NSL1: variants seen among roughly 807,000 people sequenced by gnomAD.
The protein encoded by NSL1 is NSL1 component of MIS12 kinetochore complex, also known as kinetochore-associated protein NSL1 homolog.
A neutral mutation model predicts 25.4 loss-of-function variants in NSL1; 11 were observed. The observed-to-expected ratio is 0.43, with a 90% CI of 0.27 to 0.72. The LOEUF (loss-of-function observed/expected upper bound fraction) is 0.72, where lower values mean the gene tolerates loss of function less well. NSL1 is among the 30% of genes least tolerant of loss of function. The pLI is 0.19. For synonymous variants in NSL1, 118 were observed against 120.6 expected (o/e 0.98, Z 0.14); for missense variants, 330 against 342.7 (o/e 0.96, Z 0.29).
chr1:212,737,724 T>C lies in NSL1; in HGVS notation c.*684A>G. ...GTTCCAAGTCAAATTATGTTAATGG[T>C]CTATAGAAAAAAGTGAGTGTGGGCA... On this transcript the variant is annotated 3_prime_UTR_variant, in exon 6 of 6. Coordinates refer to ENST00000366977, the MANE Select transcript of NSL1 (RefSeq NM_015471.4). The C allele has an allele frequency of 5.1e-6, 5 of 980,238 alleles. No individual in the cohort carries two copies. Among genetic ancestry groups the C allele is most frequent in the Non-Finnish European group, 6.1e-6 (5 of 825,232 alleles). The allele number at this position is 980,238 out of a possible 1,614,324, so 60.7% of individuals were successfully genotyped here.
In NSL1 at chr1:212,736,754, T is replaced by G; in HGVS notation, c.*1654A>C. On this transcript the variant is annotated 3_prime_UTR_variant, in exon 6 of 6. Coordinates refer to ENST00000366977, the MANE Select transcript of NSL1 (RefSeq NM_015471.4). ...AGTAGAATATAGTCATTACACAGAT[T>G]CAACATTAACAGGATTTTTGTCACA... 3 of 984,662 alleles carry G rather than the reference T, an allele frequency of 3.0e-6. No homozygotes were observed. The highest frequency in any genetic ancestry group is 3.6e-6 in the Non-Finnish European group (3 of 829,218). The allele number at this position is 984,662 out of a possible 1,614,324, so 61.0% of individuals were successfully genotyped here.
chr1:212,755,249 G>A (rs1371178216), intron 4 of NSL1, among the ~76,000 whole-genome samples: 1 of 151,812 alleles, frequency 6.6e-6, no homozygotes, highest in Non-Finnish European at 1.5e-5. Flanking sequence ...AAGAAAAATA[G>A]GTTATAAAAT....
Position 212,727,822 on chromosome 1 carries a change from A to C in NSL1, c.*10586T>G. 1.0e-6 allele frequency: 1 copy of C among 978,164 alleles called. No homozygotes were observed. The highest frequency in any genetic ancestry group is 1.1e-4 in the East Asian group (1 of 8,784). 60.6% of individuals were successfully genotyped at this position (978,164 alleles called of 1,614,324 possible). On this transcript the variant is annotated 3_prime_UTR_variant, in exon 6 of 6. Transcript: ENST00000366977. ...ACTTTCTTAGACACTAGTATTACATAGTAATATTCACTATTCGTTAACTGC... is the reference window on the plus strand; with the variant it reads ...ACTTTCTTAGACACTAGTATTACATCGTAATATTCACTATTCGTTAACTGC...
chr1:212,743,674 C>G (rs1457401318), intron 4 of NSL1, among the ~76,000 whole-genome samples: 1 of 152,044 alleles, frequency 6.6e-6, no homozygotes, highest in Admixed American at 6.6e-5. Context: ...AGGCCCATCC[C>G]TCCACAGAAA....
chr1:212,735,115 T>C lies in NSL1; in HGVS notation c.*3293A>G, dbSNP rs997864673. On this transcript the variant is annotated 3_prime_UTR_variant, in exon 6 of 6. Coordinates refer to ENST00000366977, the MANE Select transcript of NSL1 (RefSeq NM_015471.4). ...TGTAACTTGCCCAATGTCACTGAAC[T>C]AATAATGGTAGAACTGCAATCTGAA... Among the ~76,000 whole-genome samples the C allele has an allele frequency of 6.6e-6, 1 of 152,198 alleles. No individual in the cohort carries two copies. Among genetic ancestry groups the C allele is most frequent in the Admixed American group, 6.5e-5 (1 of 15,282 alleles).
rs1309961793 is a variant in NSL1 at position 212,730,830 on chromosome 1, C to T, written c.*7578G>A. The T allele has an allele frequency of 8.1e-6, 8 of 985,382 alleles. No individual in the cohort carries two copies. The highest frequency in any genetic ancestry group is 9.6e-6 in the Non-Finnish European group (8 of 829,906). 61.0% of individuals were successfully genotyped at this position (985,382 alleles called of 1,614,324 possible). A position where few individuals can be genotyped will look rare whatever the true frequency, so the allele number is the denominator to read the frequency against. On this transcript the variant is annotated 3_prime_UTR_variant, in exon 6 of 6. Coordinates refer to ENST00000366977, the MANE Select transcript of NSL1 (RefSeq NM_015471.4). ...CTGTCCTCAGTTTTTTACCTCTCCC[C>T]TCCCCACACTCACCTTCTAAGTTCA...
intron 4 of NSL1, among the ~76,000 whole-genome samples, chr1:212,742,847 AG>A (rs1164470191): frequency 6.6e-6 from 1 of 152,198 alleles, no homozygotes; most frequent in Non-Finnish European, 1.5e-5. Context: ...TTTAATATTT[AG>A]TTTGACAATA....
At position 212,736,125 on chromosome 1, in the gene NSL1, C is replaced by T. The variant is rs935411996; in HGVS notation, c.*2283G>A. On this transcript the variant is annotated 3_prime_UTR_variant, in exon 6 of 6. Transcript: ENST00000366977. ...CCATCCTGGCTCACTGCAACTTCTG[C>T]CTCCAGGGCTCAAGTGATCCTCTCA... 2.3e-6 allele frequency: 2 copies of T among 874,598 alleles called. No individual in the cohort carries two copies. Among genetic ancestry groups the T allele is most frequent in the African/African-American group, 1.8e-5 (1 of 55,100 alleles). The allele number at this position is 874,598 out of a possible 1,614,324, so 54.2% of individuals were successfully genotyped here.
rs902390144 is a variant in NSL1, at chr1:212,776,510, G to C, written c.499+5862C>G. Among the ~76,000 whole-genome samples the C allele has an allele frequency of 2.6e-5, 4 of 151,952 alleles. No homozygotes were observed. The East Asian group carries it at 7.7e-4, about 29-fold the overall frequency. ...TCAAGACTGCAGTGAGGCTGTAATT[G>C]CACCACTGTACTACAGCCTGGGTGA... On this transcript the variant is annotated intron_variant, in intron 4 of 5. Transcript: ENST00000366977.
At chr1:212,770,191 A>T (rs1052779912) in intron 4 of NSL1, among the ~76,000 whole-genome samples, 2 of 152,158 alleles carry the variant, frequency 1.3e-5, no homozygotes, top group African/African-American at 4.8e-5. Context: ...TCCAGATTAA[A>T]GCAAATATTA....
In NSL1 at chr1:212,728,693, T is replaced by A. The variant is rs985676253; in HGVS notation, c.*9715A>T. ...ACATCACTTATACCATTTGGTGAGA[T>A]CTCTGGAGAATGGAACACCTTCACA... On this transcript the variant is annotated 3_prime_UTR_variant, in exon 6 of 6. Coordinates refer to ENST00000366977, the MANE Select transcript of NSL1 (RefSeq NM_015471.4). 1.2e-5 allele frequency: 12 copies of A among 985,276 alleles called. No homozygotes were observed. In the African/African-American group the frequency reaches 1.9e-4, roughly 16 times the overall value. The allele number at this position is 985,276 out of a possible 1,614,324, so 61.0% of individuals were successfully genotyped here. A position where few individuals can be genotyped will look rare whatever the true frequency, so the allele number is the denominator to read the frequency against.
intron 4 of NSL1, among the ~76,000 whole-genome samples, chr1:212,776,642 GA>G (rs1354783688): frequency 6.6e-6 from 1 of 150,756 alleles, no homozygotes; most frequent in African/African-American, 2.4e-5. Flanking sequence ...CTGAGAAAGA[GA>G]AAAATAAGAG....
At chr1:212,756,603 C>G (rs760287369) in intron 4 of NSL1, among the ~76,000 whole-genome samples, 1 of 152,042 alleles carries the variant, frequency 6.6e-6, no homozygotes, top group Non-Finnish European at 1.5e-5. Flanking sequence ...GAGGATCACC[C>G]GAGTTCAAGA....
At position 212,738,388 on chromosome 1, in the gene NSL1, C is replaced by T; in HGVS notation, c.*20G>A. ...TGTTGATGGTGCCTATTTTCAACTC[C>T]CAAAATAAACAGAAAGAGCTCATGT... On this transcript the variant is annotated 3_prime_UTR_variant, in exon 6 of 6. Coordinates refer to ENST00000366977, the MANE Select transcript of NSL1 (RefSeq NM_015471.4). 6.3e-7 allele frequency: 1 copy of T among 1,589,322 alleles called. No individual in the cohort carries two copies. The highest frequency in any genetic ancestry group is 1.1e-5 in the South Asian group (1 of 87,192).
In NSL1 at chr1:212,782,429, AAACAT is replaced by A. The variant is rs762327058; in HGVS notation, c.445-8_445-4del. The A allele has an allele frequency of 4.4e-6, 7 of 1,600,310 alleles. No homozygotes were observed. Among genetic ancestry groups the A allele is most frequent in the Non-Finnish European group, 6.0e-6 (7 of 1,167,654 alleles). On this transcript the variant is annotated splice_polypyrimidine_tract_variant and splice_region_variant and intron_variant, in intron 3 of 5. Coordinates refer to ENST00000366977, the MANE Select transcript of NSL1 (RefSeq NM_015471.4). ...TGTACAACAGGGTGGTACTGCTTCT[AAACAT>A]AACATAAATTAAAACAGATTTAATC...
rs981984978 is a variant in NSL1 at position 212,733,212 on chromosome 1, C to T, written c.*5196G>A. Among the ~76,000 whole-genome samples the T allele has an allele frequency of 2.0e-5, 3 of 151,998 alleles. No homozygotes were observed. Among genetic ancestry groups the T allele is most frequent in the African/African-American group, 7.2e-5 (3 of 41,396 alleles). On this transcript the variant is annotated 3_prime_UTR_variant, in exon 6 of 6. Transcript: ENST00000366977. ...CAGCACTTTGGGAGGCAGAGGTGGG[C>T]GGATCGCTTGAGCTCACGAGTTTGA...
At chr1:212,743,811 A>G (rs908249155) in intron 4 of NSL1, among the ~76,000 whole-genome samples, 1 of 152,202 alleles carries the variant, frequency 6.6e-6, no homozygotes, top group African/African-American at 2.4e-5. Context: ...AACTTGGTAT[A>G]TTTTAATTTA....
At chr1:212,766,336 A>C (rs1024054147) in intron 4 of NSL1, 4 of 477,442 alleles carry the variant, frequency 8.4e-6, no homozygotes, top group Non-Finnish European at 1.1e-5. Context: ...CAGCCAGAGC[A>C]ATCAGACAAG....
intron 4 of NSL1, among the ~76,000 whole-genome samples, chr1:212,777,191 T>C (rs1484145148): frequency 1.3e-5 from 2 of 151,910 alleles, no homozygotes; most frequent in Non-Finnish European, 2.9e-5. Context: ...CTGGGTAACA[T>C]AGTGGGACTC....
Sources: gnomAD v4.1 joint callset for allele counts (sites outside exome capture counted in the v4.1 genomes callset) on GRCh38, gnomAD v4.1.1 for gene constraint, MANE v1.5 for transcripts, NCBI Gene and HGNC (gene_info 2026-07-23, HGNC 2026-07-21) for gene names.